Variants in TNIP3 observed in about 807,000 individuals in gnomAD.
TNIP3 encodes TNFAIP3 interacting protein 3.
Under a neutral mutation model 54.1 loss-of-function variants are expected in TNIP3, and 34 were observed. That is an observed-to-expected ratio of 0.63 (90% CI 0.48 to 0.84). The LOEUF (loss-of-function observed/expected upper bound fraction) is 0.84, where lower values mean the gene tolerates loss of function less well. Among genes scored for constraint, TNIP3 ranks in the 40% least tolerant of loss-of-function variants. The pLI, the probability that TNIP3 is intolerant of heterozygous loss-of-function variation, is 0.00. For missense variants in TNIP3, 366 were observed against 387.6 expected, an observed-to-expected ratio of 0.94 and a Z score of 0.47; for synonymous variants, 134 against 136.8, an observed-to-expected ratio of 0.98 and a Z score of 0.14.
chr4:121,183,512 C>T (rs1185133133), intron 2 of TNIP3, among the ~76,000 whole-genome samples: 1 of 152,200 alleles, frequency 6.6e-6, no homozygotes, highest in Non-Finnish European at 1.5e-5. Context: ...TACCAGGGGT[C>T]CCCAACCCCC....
intron 1 of TNIP3, among the ~76,000 whole-genome samples, chr4:121,161,710 GACAA>G (rs1446535334): frequency 6.6e-6 from 1 of 152,076 alleles, no homozygotes; most frequent in Non-Finnish European, 1.5e-5. Flanking sequence ...TCGAGAAAAA[GACAA>G]ACACATACAG....
At chr4:121,171,978 C>G (rs571765579) in intron 3 of TNIP3, among the ~76,000 whole-genome samples, 3 of 152,180 alleles carry the variant, frequency 2.0e-5, no homozygotes, top group Admixed American at 2.0e-4. Flanking sequence ...AATGATCCAC[C>G]TGCCTCAGCC....
intron 5 of TNIP3, among the ~76,000 whole-genome samples, chr4:121,152,153 C>T (rs1438901888): frequency 6.6e-6 from 1 of 152,176 alleles, no homozygotes; most frequent in African/African-American, 2.4e-5. Flanking sequence ...GTGAATGGGT[C>T]AGCAAGCATT....
intron 3 of TNIP3, 154 bp from the exon 4 acceptor site, chr4:121,157,397 G>C: frequency 3.3e-6 from 3 of 910,716 alleles, no homozygotes; most frequent in Non-Finnish European, 5.0e-6. Context: ...AACACAGATC[G>C]GGATACTCGC....
In TNIP3 at chr4:121,189,093, A is replaced by C. The variant is rs80112720; in HGVS notation, c.69-6297T>G. Among the ~76,000 whole-genome samples the C allele has an allele frequency of 1.9e-3, 293 of 152,314 alleles. 3 individuals are homozygous for C. The highest frequency in any genetic ancestry group is 5.6e-3 in the South Asian group (27 of 4,822). ...ACCACAGTCTTAGAAATAACTTGAAAAATCATTTAATTGACCTCCTGCATT... is the reference window on the plus strand; with the variant it reads ...ACCACAGTCTTAGAAATAACTTGAACAATCATTTAATTGACCTCCTGCATT... On this transcript the variant is annotated intron_variant, in intron 2 of 12. Coordinates refer to the TNIP3 transcript ENST00000507879.
chr4:121,148,367 G>C (rs539710031), intron 6 of TNIP3, among the ~76,000 whole-genome samples: 6 of 152,204 alleles, frequency 3.9e-5, no homozygotes, highest in African/African-American at 9.6e-5. Flanking sequence ...TTCCCACAGG[G>C]TTTATGAAAA....
At chr4:121,172,877 A>T (rs1724049945) in intron 3 of TNIP3, among the ~76,000 whole-genome samples, 1 of 152,220 alleles carries the variant, frequency 6.6e-6, no homozygotes, top group Admixed American at 6.5e-5. Flanking sequence ...CTAGAATGGA[A>T]CTAAATTTAG....
intron 2 of TNIP3, 147 bp from the exon 3 acceptor site, chr4:121,158,899 G>A: frequency 1.5e-6 from 1 of 655,574 alleles, no homozygotes; most frequent in Non-Finnish European, 2.7e-6. Flanking sequence ...TGATTGTGCT[G>A]GGATGATTAA....
At chr4:121,156,454 C>T (rs1318102270) in intron 4 of TNIP3, among the ~76,000 whole-genome samples, 4 of 152,158 alleles carry the variant, frequency 2.6e-5, no homozygotes, top group East Asian at 1.9e-4. Flanking sequence ...ACTGATAGAG[C>T]TTTAGAATCT....
chr4:121,173,167 A>T (rs538259199), intron 3 of TNIP3, among the ~76,000 whole-genome samples: 2 of 152,312 alleles, frequency 1.3e-5, no homozygotes, highest in East Asian at 3.9e-4. Context: ...ACACCTAAAA[A>T]TTGTAGCAGG....
chr4:121,176,786 A>G (rs986073699), intron 3 of TNIP3, among the ~76,000 whole-genome samples: 2 of 152,184 alleles, frequency 1.3e-5, no homozygotes, highest in East Asian at 3.8e-4. Context: ...TTCCCTCACA[A>G]TCTTGTGAAG....
At chr4:121,137,889 C>A (rs1728879820) in intron 10 of TNIP3, 1 of 452,348 alleles carries the variant, frequency 2.2e-6, no homozygotes, top group African/African-American at 2.0e-5. Flanking sequence ...GCAGACATTT[C>A]TAACTTTTGA....
intron 2 of TNIP3, among the ~76,000 whole-genome samples, chr4:121,159,117 C>T (rs1385947843): frequency 6.6e-6 from 1 of 152,158 alleles, no homozygotes; most frequent in Middle Eastern, 3.2e-3. Context: ...GTGGCATGCA[C>T]CTGCAGTCCC....
intron 3 of TNIP3, among the ~76,000 whole-genome samples, chr4:121,171,888 G>A (rs1184389996): frequency 2.0e-5 from 3 of 151,830 alleles, no homozygotes; most frequent in Non-Finnish European, 4.4e-5. Context: ...GAACCACCAC[G>A]CCTGGCTAAT....
chr4:121,178,877 A>C (rs1487088291), intron 3 of TNIP3, among the ~76,000 whole-genome samples: 1 of 152,188 alleles, frequency 6.6e-6, no homozygotes, highest in Non-Finnish European at 1.5e-5. Flanking sequence ...GAAATCCATG[A>C]GTCTCTCATA....
chr4:121,181,714 G>C (rs1724719134), intron 3 of TNIP3, among the ~76,000 whole-genome samples: 1 of 151,958 alleles, frequency 6.6e-6, no homozygotes, highest in Non-Finnish European at 1.5e-5. Flanking sequence ...TGAGCCTACT[G>C]GTGGTTTCAG....
At chr4:121,174,019 A>G (rs1025892977) in intron 3 of TNIP3, among the ~76,000 whole-genome samples, 12 of 152,172 alleles carry the variant, frequency 7.9e-5, no homozygotes, top group Non-Finnish European at 1.8e-4. Context: ...GATGAGCAAA[A>G]GGCACATCTC....
At chr4:121,163,332 T>A (rs1354875831) in intron 1 of TNIP3, among the ~76,000 whole-genome samples, 1 of 152,218 alleles carries the variant, frequency 6.6e-6, no homozygotes, top group African/African-American at 2.4e-5. Flanking sequence ...CCTTTTCAAT[T>A]TGTATTTACT....
intron 7 of TNIP3, among the ~76,000 whole-genome samples, chr4:121,146,465 C>T (rs1729436887): frequency 6.6e-6 from 1 of 152,132 alleles, no homozygotes; most frequent in South Asian, 2.1e-4. Context: ...ATTTACCCAT[C>T]GTGGCAACTT....
Sources: gnomAD v4.1 joint callset for allele counts (sites outside exome capture counted in the v4.1 genomes callset) on GRCh38, gnomAD v4.1.1 for gene constraint, MANE v1.5 for transcripts, NCBI Gene and HGNC (gene_info 2026-07-23, HGNC 2026-07-21) for gene names.